CPQ: variants seen among roughly 807,000 people sequenced by gnomAD.
CPQ encodes carboxypeptidase Q.
Under a neutral mutation model 45.7 loss-of-function variants are expected in CPQ, and 37 were observed. The ratio of observed to expected loss-of-function variants is 0.81; its 90% CI spans 0.62 to 1.07. CPQ has a LOEUF of 1.07. Among genes scored for constraint, CPQ ranks in the 50% least tolerant of loss-of-function variants. The probability of loss-of-function intolerance (pLI) is 0.00; values close to 1 mark genes in which losing one functional copy is unlikely to be tolerated. For missense variants in CPQ, 537 were observed against 572.9 expected (o/e 0.94, Z 0.64); for synonymous variants, 186 against 205.8 (o/e 0.90, Z 0.82).
At position 97,143,048 on chromosome 8, in the gene CPQ, G is replaced by A. The variant is rs147450561; in HGVS notation, c.1284G>A (p.Lys428=). Residue 428 remains lysine (K), a synonymous_variant, in exon 8 of 8, where the codon AAG becomes AAA. Transcript: ENST00000220763. ...CCAGTCTACTTGATGACTTATACAA[G>A]TATTTCTTCTTCCATCACTCCCACG... The part of the protein sequence containing the change: ...PGASLLDDLY[K]YFFFHHSHGD... The A allele has an allele frequency of 6.2e-4, 998 of 1,613,872 alleles. 6 individuals are homozygous for A. In the African/African-American group the frequency reaches 0.011, roughly 17 times the overall value.
At chr8:96,764,750 T>A (rs4145699) in intron 1 of CPQ, among the ~76,000 whole-genome samples, 82,596 of 152,010 alleles carry the variant, frequency 0.54, 23,653 homozygotes, top group East Asian at 0.88. Flanking sequence ...TTAGGAAGTA[T>A]CTAATTCAGA....
chr8:97,115,484 C>T (rs1035817951), intron 7 of CPQ, among the ~76,000 whole-genome samples: 7 of 152,252 alleles, frequency 4.6e-5, no homozygotes, highest in Non-Finnish European at 5.9e-5. Context: ...CATTAGTTAC[C>T]GGGTAGGAAT....
rs200879291 is a variant in CPQ, at chr8:96,653,473, C to T, written c.-35+8071C>T. On this transcript the variant is annotated intron_variant, in intron 1 of 7. Coordinates refer to ENST00000220763, the MANE Select transcript of CPQ (RefSeq NM_016134.4). ...TTATACAGTTCATCCTTGAGCAATG[C>T]GGGGCTTAGCGGTGCTGACTCCCTC... Among the ~76,000 whole-genome samples, 15 of 152,236 alleles carry T rather than the reference C, an allele frequency of 9.9e-5. No individual in the cohort carries two copies. In the East Asian group the frequency reaches 1.7e-3, roughly 18 times the overall value.
chr8:97,106,729 G>A (rs1413472990), intron 7 of CPQ, among the ~76,000 whole-genome samples: 1 of 152,142 alleles, frequency 6.6e-6, no homozygotes, highest in Non-Finnish European at 1.5e-5. Flanking sequence ...GGGCCAGATG[G>A]ATCGCAAGTG....
At chr8:96,965,357 A>G (rs966633862) in intron 4 of CPQ, among the ~76,000 whole-genome samples, 10 of 146,252 alleles carry the variant, frequency 6.8e-5, no homozygotes, top group Admixed American at 2.9e-4. Flanking sequence ...TGTCAGTAAT[A>G]AGCCAATTTC....
chr8:96,657,129 G>C (rs1037618469), intron 1 of CPQ, among the ~76,000 whole-genome samples: 1 of 151,884 alleles, frequency 6.6e-6, no homozygotes, highest in Non-Finnish European at 1.5e-5. Flanking sequence ...GGTGGATCAC[G>C]AGGTCAGGAG....
At chr8:97,083,369 A>G (rs1341231203) in intron 7 of CPQ, among the ~76,000 whole-genome samples, 5 of 152,278 alleles carry the variant, frequency 3.3e-5, no homozygotes, top group Non-Finnish European at 2.9e-5. Flanking sequence ...CACAAGTACT[A>G]TTGGTACTCA....
At chr8:96,932,546 T>C (rs1812988776) in intron 4 of CPQ, among the ~76,000 whole-genome samples, 1 of 152,208 alleles carries the variant, frequency 6.6e-6, no homozygotes, top group African/African-American at 2.4e-5. Context: ...AATGCCACTT[T>C]ACTATACAAA....
At chr8:96,645,848 C>G (rs897791569) in intron 1 of CPQ, among the ~76,000 whole-genome samples, 2 of 150,974 alleles carry the variant, frequency 1.3e-5, no homozygotes, top group African/African-American at 4.9e-5. Context: ...CGCATTTTAC[C>G]GTGTACTTTC....
At chr8:96,886,289 T>C (rs935908403) in intron 4 of CPQ, among the ~76,000 whole-genome samples, 6 of 152,146 alleles carry the variant, frequency 3.9e-5, no homozygotes, top group Admixed American at 3.9e-4. Context: ...TCAAGACAGC[T>C]TTATCCCTGG....
intron 6 of CPQ, chr8:97,055,482 CT>C: frequency 6.6e-6 from 1 of 152,310 alleles, no homozygotes; most frequent in Non-Finnish European, 1.5e-5. Context: ...CAACTCTCAC[CT>C]TCAGATTCTC....
chr8:96,683,844 T>C (rs1809187252), intron 1 of CPQ, among the ~76,000 whole-genome samples: 1 of 152,100 alleles, frequency 6.6e-6, no homozygotes, highest in Non-Finnish European at 1.5e-5. Flanking sequence ...CTCTTGATTG[T>C]ATTTTTTATT....
At position 96,976,452 on chromosome 8, in the gene CPQ, A is replaced by G. The variant is rs187160953; in HGVS notation, c.961+10406A>G. On this transcript the variant is annotated intron_variant, in intron 5 of 7. Coordinates refer to ENST00000220763, the MANE Select transcript of CPQ (RefSeq NM_016134.4). ...AAAAGCAATCTACAAATTCATTGCA[A>G]TTCCCATCAAAATACCACCATCATT... 1.7e-3 allele frequency among the ~76,000 whole-genome samples: 257 copies of G among 152,170 alleles called. 3 individuals carry two copies. Among genetic ancestry groups the G allele is most frequent in the Admixed American group, 0.013 (196 of 15,288 alleles).
intron 1 of CPQ, among the ~76,000 whole-genome samples, chr8:96,770,996 T>C (rs1810535896): frequency 6.8e-6 from 1 of 147,938 alleles, no homozygotes; most frequent in Non-Finnish European, 1.5e-5. Flanking sequence ...TGAGCTGTTG[T>C]AACAAAGAGA....
At chr8:97,013,834 G>A (rs936271988) in intron 5 of CPQ, among the ~76,000 whole-genome samples, 2 of 152,178 alleles carry the variant, frequency 1.3e-5, no homozygotes, top group Non-Finnish European at 2.9e-5. Context: ...AAGTTAGGAA[G>A]TGTGTAGGAA....
intron 4 of CPQ, among the ~76,000 whole-genome samples, chr8:96,957,123 A>C (rs979666379): frequency 3.9e-5 from 6 of 152,216 alleles, no homozygotes; most frequent in Non-Finnish European, 8.8e-5. Flanking sequence ...AGTTGTTCTC[A>C]GGTGTCATCA....
At chr8:96,762,054 T>C (rs1309409059) in intron 1 of CPQ, among the ~76,000 whole-genome samples, 1 of 152,252 alleles carries the variant, frequency 6.6e-6, no homozygotes, top group Non-Finnish European at 1.5e-5. Flanking sequence ...TCAATAGCTA[T>C]GCTATTATAC....
At position 96,788,648 on chromosome 8, in the gene CPQ, C is replaced by T. The variant is rs945358275; in HGVS notation, c.433+3318C>T. On this transcript the variant is annotated intron_variant, in intron 2 of 7. Coordinates refer to ENST00000220763, the MANE Select transcript of CPQ (RefSeq NM_016134.4). Reference sequence around the variant, plus strand: ...TACTTGGAGGTTGTTGATTTTCTTGCATGTGTAGATTGAAGTTTTTCATCA... The same window carrying T: ...TACTTGGAGGTTGTTGATTTTCTTGTATGTGTAGATTGAAGTTTTTCATCA... Among the ~76,000 whole-genome samples, 74 of 152,062 alleles carry T rather than the reference C, an allele frequency of 4.9e-4. 1 individual carries two copies. The highest frequency in any genetic ancestry group is 1.8e-3 in the African/African-American group (73 of 41,534).
intron 1 of CPQ, among the ~76,000 whole-genome samples, chr8:96,659,826 T>G (rs113752570): frequency 6.4e-4 from 97 of 152,306 alleles, no homozygotes; most frequent in Admixed American, 1.9e-3. Context: ...CTGTTGTGTC[T>G]ATGAATTTTG....
Sources: gnomAD v4.1 joint callset for allele counts (sites outside exome capture counted in the v4.1 genomes callset) on GRCh38, gnomAD v4.1.1 for gene constraint, MANE v1.5 for transcripts, NCBI Gene and HGNC (gene_info 2026-07-23, HGNC 2026-07-21) for gene names.